Variants in GRM5 observed in about 807,000 individuals in gnomAD.
GRM5 encodes glutamate metabotropic receptor 5.
GRM5 carries 19 observed loss-of-function variants against 83.1 expected under a neutral mutation model. That is an observed-to-expected ratio of 0.23 (90% confidence interval 0.16 to 0.34). The LOEUF (loss-of-function observed/expected upper bound fraction) is 0.34, where lower values mean the gene tolerates loss of function less well. Ranked by LOEUF, GRM5 falls within the 10% of genes least tolerant of loss-of-function variation. The pLI, the probability that GRM5 is intolerant of heterozygous loss-of-function variation, is 1.00. For missense variants in GRM5, 1,160 were observed against 1,588.3 expected (o/e 0.73, Z 4.58); for synonymous variants, 675 against 633.6 (o/e 1.07, Z -0.98).
At chr11:88,896,524 G>A (rs1945230722) in intron 2 of GRM5, among the ~76,000 whole-genome samples, 1 of 151,858 alleles carries the variant, frequency 6.6e-6, no homozygotes. Context: ...TTAATATAGA[G>A]AGGTTTATTT....
intron 4 of GRM5, among the ~76,000 whole-genome samples, chr11:88,651,546 C>G (rs1446418122): frequency 6.6e-6 from 1 of 152,040 alleles, no homozygotes; most frequent in Non-Finnish European, 1.5e-5. Flanking sequence ...CTAGATAGAA[C>G]TGTTAAAATA....
At chr11:88,519,091 G>A (rs770157415) in intron 9 of GRM5, among the ~76,000 whole-genome samples, 2 of 150,622 alleles carry the variant, frequency 1.3e-5, no homozygotes, top group African/African-American at 4.9e-5. Flanking sequence ...AGTTTAGCTA[G>A]ACTAAGACTT....
chr11:88,877,448 G>A (rs1174187444), intron 2 of GRM5, among the ~76,000 whole-genome samples: 2 of 152,050 alleles, frequency 1.3e-5, no homozygotes, highest in Non-Finnish European at 2.9e-5. Flanking sequence ...GATATTTGGG[G>A]AAGAGAAATA....
chr11:88,632,180 C>T (rs1230568105), intron 4 of GRM5, among the ~76,000 whole-genome samples: 3 of 150,422 alleles, frequency 2.0e-5, no homozygotes, highest in African/African-American at 7.3e-5. Flanking sequence ...CACTGATTTG[C>T]TTTCTGTCAC....
chr11:89,060,199 C>T (rs903451373), intron 1 of GRM5, among the ~76,000 whole-genome samples: 1 of 151,834 alleles, frequency 6.6e-6, no homozygotes, highest in Non-Finnish European at 1.5e-5. Flanking sequence ...CAAATCAAAT[C>T]TCTCTCTTTT....
chr11:88,619,743 T>C (rs958435018), intron 4 of GRM5, among the ~76,000 whole-genome samples: 4 of 152,164 alleles, frequency 2.6e-5, no homozygotes, highest in African/African-American at 4.8e-5. Flanking sequence ...TTAGTTCTTA[T>C]TCTAGGTACT....
intron 2 of GRM5, among the ~76,000 whole-genome samples, chr11:89,012,621 C>T (rs1294037257): frequency 1.3e-5 from 2 of 152,170 alleles, no homozygotes; most frequent in Admixed American, 6.5e-5. Flanking sequence ...GCACAGAAAC[C>T]TTTGATAGCC....
chr11:88,935,399 A>G (rs1937858864), intron 2 of GRM5, among the ~76,000 whole-genome samples: 1 of 151,870 alleles, frequency 6.6e-6, no homozygotes, highest in African/African-American at 2.4e-5. Flanking sequence ...CACTCTTCCA[A>G]TTACTGACTT....
At chr11:88,541,030 G>A (rs183828262) in intron 8 of GRM5, among the ~76,000 whole-genome samples, 133 of 152,176 alleles carry the variant, frequency 8.7e-4, no homozygotes, top group African/African-American at 2.8e-3. Context: ...AATTACAGGC[G>A]TGAGTCACCG....
intron 3 of GRM5, among the ~76,000 whole-genome samples, chr11:88,741,457 GA>G (rs1481194192): frequency 1.3e-5 from 2 of 151,998 alleles, no homozygotes; most frequent in Non-Finnish European, 2.9e-5. Flanking sequence ...CTTCTGCCAG[GA>G]AAGTCTTTAC....
rs938340533 is a variant in GRM5 at position 88,585,493 on chromosome 11, C to T, written c.1690+5108G>A. 5.9e-5 allele frequency among the ~76,000 whole-genome samples: 9 copies of T among 152,276 alleles called. No individual in the cohort carries two copies. The East Asian group carries it at 1.7e-3, about 29-fold the overall frequency. ...AAAATATTTACCATAGTTTACCAGG[C>T]TCCCCAAAAGGTGGCCTTTGCTTTC... On this transcript the variant is annotated intron_variant, in intron 7 of 9. Coordinates refer to ENST00000305447, the MANE Select transcript of GRM5 (RefSeq NM_001143831.3).
chr11:88,629,633 G>A (rs530826590), intron 4 of GRM5, among the ~76,000 whole-genome samples: 10 of 152,020 alleles, frequency 6.6e-5, no homozygotes, highest in South Asian at 4.2e-4. Context: ...TACCACACTC[G>A]CTTACCCACA....
At chr11:88,990,613 A>G (rs1431412711) in intron 2 of GRM5, among the ~76,000 whole-genome samples, 1 of 148,608 alleles carries the variant, frequency 6.7e-6, no homozygotes, top group East Asian at 2.0e-4. Context: ...AAAATCCTCA[A>G]TAAAATACTG....
chr11:88,813,277 G>C (rs1295055690), intron 3 of GRM5, among the ~76,000 whole-genome samples: 1 of 152,210 alleles, frequency 6.6e-6, no homozygotes, highest in East Asian at 1.9e-4. Flanking sequence ...TGCAGGTAGG[G>C]GGTACTAAAT....
At chr11:88,931,682 C>G (rs1016901018) in intron 2 of GRM5, among the ~76,000 whole-genome samples, 2 of 151,986 alleles carry the variant, frequency 1.3e-5, no homozygotes, top group Non-Finnish European at 2.9e-5. Flanking sequence ...TCCTTTGTAC[C>G]GGCTCTATAT....
chr11:88,886,318 G>A (rs988880668), intron 2 of GRM5, among the ~76,000 whole-genome samples: 8 of 152,104 alleles, frequency 5.3e-5, no homozygotes, highest in South Asian at 2.1e-4. Flanking sequence ...GGGCTCGTCC[G>A]GGATAACAAC....
chr11:88,804,748 C>A (rs1251724483), intron 3 of GRM5, among the ~76,000 whole-genome samples: 1 of 151,938 alleles, frequency 6.6e-6, no homozygotes, highest in African/African-American at 2.4e-5. Context: ...CAGGTTCTCA[C>A]TTGTAAGTGG....
At chr11:88,864,461 G>C (rs1028982778) in intron 2 of GRM5, among the ~76,000 whole-genome samples, 1 of 151,924 alleles carries the variant, frequency 6.6e-6, no homozygotes, top group African/African-American at 2.4e-5. Flanking sequence ...CTCATGATTT[G>C]GCTCTCTGTT....
chr11:88,612,936 T>G (rs868501241), intron 4 of GRM5: 1 of 152,230 alleles, frequency 6.6e-6, no homozygotes, highest in African/African-American at 2.4e-5. Context: ...GATTTCTGCT[T>G]TAATTTCATT....
Sources: gnomAD v4.1 joint callset for allele counts (sites outside exome capture counted in the v4.1 genomes callset) on GRCh38, gnomAD v4.1.1 for gene constraint, MANE v1.5 for transcripts, NCBI Gene and HGNC (gene_info 2026-07-23, HGNC 2026-07-21) for gene names.